Variants in ERC2 observed in about 807,000 individuals in gnomAD.
ERC2 encodes the protein ERC protein 2.
ERC2 carries 42 observed loss-of-function variants against 114.8 expected under a neutral mutation model. That is an observed-to-expected ratio of 0.37 (90% CI 0.29 to 0.47). ERC2 has a LOEUF of 0.47. Ranked by LOEUF, ERC2 falls within the 20% of genes least tolerant of loss-of-function variation. ERC2 has a pLI of 0.99. For missense variants in ERC2, 939 were observed against 1,150.7 expected (o/e 0.82, Z 2.66); for synonymous variants, 454 against 425.5 (o/e 1.07, Z -0.82).
chr3:56,092,786 G>GA (rs1017529351), intron 6 of ERC2, among the ~76,000 whole-genome samples: 3 of 151,970 alleles, frequency 2.0e-5, no homozygotes, highest in Non-Finnish European at 4.4e-5. Context: ...TGCTATTACG[G>GA]AAAAAAACAA....
At chr3:55,909,467 T>C (rs966234354) in intron 13 of ERC2, among the ~76,000 whole-genome samples, 2 of 151,986 alleles carry the variant, frequency 1.3e-5, no homozygotes, top group Non-Finnish European at 2.9e-5. Context: ...AAGCAGGGAG[T>C]AGCTGGGCTT....
chr3:56,009,794 C>A (rs146827439), intron 9 of ERC2, among the ~76,000 whole-genome samples: 244 of 152,288 alleles, frequency 1.6e-3, no homozygotes, highest in African/African-American at 5.2e-3. Context: ...CCCAAAGCAT[C>A]CTCTTCATAA....
chr3:55,527,189 C>T (rs1347616463), intron 17 of ERC2, among the ~76,000 whole-genome samples: 3 of 152,230 alleles, frequency 2.0e-5, no homozygotes, highest in African/African-American at 4.8e-5. Flanking sequence ...ATTAGCTATG[C>T]AACCTTGAAC....
chr3:55,776,380 T>C (rs956001092), intron 14 of ERC2, among the ~76,000 whole-genome samples: 1 of 151,984 alleles, frequency 6.6e-6, no homozygotes, highest in South Asian at 2.1e-4. Context: ...CTTAGGTACA[T>C]AATGTGACTA....
intron 2 of ERC2, among the ~76,000 whole-genome samples, chr3:56,413,385 T>G (rs1369046332): frequency 6.6e-6 from 1 of 152,054 alleles, no homozygotes; most frequent in African/African-American, 2.4e-5. Flanking sequence ...TAACCTGATC[T>G]CCCCCTGAGC....
At chr3:55,605,881 A>G (rs1433753822) in intron 17 of ERC2, among the ~76,000 whole-genome samples, 1 of 152,210 alleles carries the variant, frequency 6.6e-6, no homozygotes, top group African/African-American at 2.4e-5. Flanking sequence ...CTCTCTTCCT[A>G]GGAGGAACCC....
chr3:55,834,217 C>G lies in ERC2; in HGVS notation c.2564+54172G>C, dbSNP rs554880384. On this transcript the variant is annotated intron_variant, in intron 14 of 17. Coordinates refer to ENST00000288221, the MANE Select transcript of ERC2 (RefSeq NM_015576.3). Reference sequence around the variant, plus strand: ...ACAGATGAACAAGACAGAAAGTTAACAAGGATACCCAGGAATTGAACTCAG... The same window carrying G: ...ACAGATGAACAAGACAGAAAGTTAAGAAGGATACCCAGGAATTGAACTCAG... 1.6e-4 allele frequency among the ~76,000 whole-genome samples: 25 copies of G among 152,258 alleles called. 1 individual carries two copies. In the South Asian group the frequency reaches 5.2e-3, roughly 32 times the overall value.
intron 17 of ERC2, among the ~76,000 whole-genome samples, chr3:55,538,973 G>A (rs75002333): frequency 6.1e-4 from 93 of 152,274 alleles, no homozygotes; most frequent in Non-Finnish European, 9.3e-4. Context: ...TTGGGTGGGC[G>A]TACAGAGCCT....
chr3:55,700,269 C>T (rs1259869063), intron 15 of ERC2, among the ~76,000 whole-genome samples: 1 of 152,162 alleles, frequency 6.6e-6, no homozygotes, highest in East Asian at 1.9e-4. Context: ...GCCTGACAGG[C>T]TCTCAGAATC....
intron 14 of ERC2, among the ~76,000 whole-genome samples, chr3:55,846,304 A>G (rs1476642150): frequency 2.0e-5 from 3 of 152,152 alleles, no homozygotes; most frequent in East Asian, 3.9e-4. Context: ...AGCTCTATCC[A>G]TGTTCCTGCA....
intron 3 of ERC2, among the ~76,000 whole-genome samples, chr3:56,189,088 G>A (rs1320684801): frequency 1.3e-5 from 2 of 152,168 alleles, no homozygotes; most frequent in East Asian, 3.9e-4. Context: ...AGAGGTTAAT[G>A]GAGCAGCCTA....
intron 12 of ERC2, among the ~76,000 whole-genome samples, chr3:55,971,488 T>C (rs1044421717): frequency 4.6e-5 from 7 of 152,206 alleles, no homozygotes; most frequent in African/African-American, 1.7e-4. Context: ...TCAATCTTTC[T>C]AGAAATTTTT....
chr3:55,883,372 T>A (rs1195838248), intron 14 of ERC2, among the ~76,000 whole-genome samples: 1 of 152,130 alleles, frequency 6.6e-6, no homozygotes, highest in African/African-American at 2.4e-5. Context: ...CCCAAAATGA[T>A]ATAACACAAA....
intron 6 of ERC2, among the ~76,000 whole-genome samples, chr3:56,094,749 C>G: frequency 6.6e-6 from 1 of 151,856 alleles, no homozygotes; most frequent in Admixed American, 6.6e-5. Flanking sequence ...TGAGGGAGTC[C>G]AAAATAGACT....
rs549246243 is a variant in ERC2 at position 55,552,989 on chromosome 3, G to A, written c.*40-41713C>T. ...CTTCTAACTTAATAATTTCTGTGTC[G>A]TTATTATTGTGGGGCTTCCAGATTT... is the stretch of plus-strand genomic sequence containing the variant. On this transcript the variant is annotated intron_variant, in intron 17 of 17. Coordinates refer to ENST00000288221, the MANE Select transcript of ERC2 (RefSeq NM_015576.3). Among the ~76,000 whole-genome samples the A allele has an allele frequency of 5.4e-5, 6 of 111,950 alleles. No homozygotes were observed. The East Asian group carries it at 1.1e-3, about 20-fold the overall frequency. 73.4% of individuals were successfully genotyped at this position (111,950 alleles called of 152,430 possible). A position where few individuals can be genotyped will look rare whatever the true frequency, so the allele number is the denominator to read the frequency against.
intron 2 of ERC2, among the ~76,000 whole-genome samples, chr3:56,351,726 T>G (rs759619459): frequency 6.6e-6 from 1 of 152,194 alleles, no homozygotes; most frequent in Non-Finnish European, 1.5e-5. Flanking sequence ...GATGTAGCTC[T>G]GGCATGTGTA....
chr3:56,347,980 A>G (rs1164808523), intron 2 of ERC2, among the ~76,000 whole-genome samples: 2 of 152,220 alleles, frequency 1.3e-5, no homozygotes, highest in Non-Finnish European at 2.9e-5. Flanking sequence ...AGCAATTTCA[A>G]AAATAAGCCA....
intron 17 of ERC2, among the ~76,000 whole-genome samples, chr3:55,582,619 G>A (rs11716383): frequency 0.13 from 19,284 of 152,228 alleles, 1,316 homozygotes; most frequent in Middle Eastern, 0.17. Context: ...ACTACCGACT[G>A]CCTTTGTATC....
intron 2 of ERC2, among the ~76,000 whole-genome samples, chr3:56,412,894 GA>G (rs1053965716): frequency 6.6e-6 from 1 of 152,120 alleles, no homozygotes; most frequent in Non-Finnish European, 1.5e-5. Flanking sequence ...GCAGTGCCTA[GA>G]AAAAAATGGA....
Sources: gnomAD v4.1 joint callset for allele counts (sites outside exome capture counted in the v4.1 genomes callset) on GRCh38, gnomAD v4.1.1 for gene constraint, MANE v1.5 for transcripts, NCBI Gene and HGNC (gene_info 2026-07-23, HGNC 2026-07-21) for gene names.